Variants in SLC2A9 observed in about 807,000 individuals in gnomAD.
SLC2A9 encodes solute carrier family 2 member 9.
A neutral mutation model predicts 50.6 loss-of-function variants in SLC2A9; 39 were observed. The ratio of observed to expected loss-of-function variants is 0.77; its 90% confidence interval spans 0.60 to 1.01. The LOEUF is 1.01. Ranked by LOEUF, SLC2A9 falls within the 50% of genes least tolerant of loss-of-function variation. The pLI, the probability that SLC2A9 is intolerant of heterozygous loss-of-function variation, is 0.00. For missense variants in SLC2A9, 686 were observed against 677.6 expected, an observed-to-expected ratio of 1.01 and a Z score of -0.14; for synonymous variants, 324 against 276.9, an observed-to-expected ratio of 1.17 and a Z score of -1.69.
At chr4:9,975,008 G>GACT (rs1445926684) in intron 5 of SLC2A9, among the ~76,000 whole-genome samples, 1 of 152,184 alleles carries the variant, frequency 6.6e-6, no homozygotes, top group Non-Finnish European at 1.5e-5. Context: ...ATGGGGAAAG[G>GACT]ACTTCCTATT....
At chr4:9,935,958 C>T (rs1746995241) in intron 6 of SLC2A9, among the ~76,000 whole-genome samples, 1 of 152,142 alleles carries the variant, frequency 6.6e-6, no homozygotes, top group African/African-American at 2.4e-5. Flanking sequence ...TCTGAACACA[C>T]CAGGCACATC....
At chr4:9,912,337 T>C (rs1187097077) in intron 7 of SLC2A9, among the ~76,000 whole-genome samples, 2 of 152,238 alleles carry the variant, frequency 1.3e-5, no homozygotes, top group South Asian at 4.2e-4. Flanking sequence ...GTGGCACATA[T>C]GCCATGCTAG....
chr4:10,018,002 T>G (rs1009205054), intron 2 of SLC2A9, among the ~76,000 whole-genome samples: 3 of 152,194 alleles, frequency 2.0e-5, no homozygotes, highest in African/African-American at 7.2e-5. Flanking sequence ...GCAGGAAAGC[T>G]TCCCTCAAGC....
At chr4:9,858,835 C>T (rs550161184) in intron 10 of SLC2A9, among the ~76,000 whole-genome samples, 1 of 152,254 alleles carries the variant, frequency 6.6e-6, no homozygotes, top group South Asian at 2.1e-4. Flanking sequence ...GCAGACCCAC[C>T]CTCCATCTGG....
rs79197118 is a variant in SLC2A9, at chr4:9,891,396, G to A, written c.1114-685C>T. Among the ~76,000 whole-genome samples the A allele has an allele frequency of 1.2e-3, 182 of 152,274 alleles. 8 individuals carry two copies. The East Asian group carries it at 0.031, about 26-fold the overall frequency. On this transcript the variant is annotated intron_variant, in intron 8 of 11. Coordinates refer to ENST00000264784, the MANE Select transcript of SLC2A9 (RefSeq NM_020041.3). ...GAATGTCAGAGACAGGAAAACCTGG[G>A]TTTATATTCCGGCTTTACTATTTTC...
At chr4:9,916,816 C>A (rs1742927979) in intron 7 of SLC2A9, among the ~76,000 whole-genome samples, 1 of 152,234 alleles carries the variant, frequency 6.6e-6, no homozygotes, top group Non-Finnish European at 1.5e-5. Flanking sequence ...CTGGGCTTGA[C>A]AATTGGTATT....
At chr4:9,949,593 C>G (rs1749826594) in intron 5 of SLC2A9, among the ~76,000 whole-genome samples, 2 of 152,152 alleles carry the variant, frequency 1.3e-5, no homozygotes, top group Admixed American at 6.5e-5. Flanking sequence ...TCTTCTGATC[C>G]CTGTACGGGG....
At chr4:10,029,604 T>A (rs1402025628) in intron 1 of SLC2A9, among the ~76,000 whole-genome samples, 2 of 149,068 alleles carry the variant, frequency 1.3e-5, no homozygotes, top group African/African-American at 4.9e-5. Flanking sequence ...ATTATTTTAT[T>A]TTATTTTATT....
intron 10 of SLC2A9, 50 bp downstream of exon 10, chr4:9,887,517 T>C (rs1292171181): frequency 3.3e-6 from 5 of 1,519,618 alleles, no homozygotes; most frequent in Admixed American, 2.0e-5. Flanking sequence ...CCCAGCTTGG[T>C]GATGCCATGA....
At chr4:9,949,096 C>A (rs955453659) in intron 5 of SLC2A9, among the ~76,000 whole-genome samples, 2 of 152,214 alleles carry the variant, frequency 1.3e-5, no homozygotes, top group African/African-American at 4.8e-5. Context: ...AGCATTCCCT[C>A]CCGTGGATGA....
intron 5 of SLC2A9, among the ~76,000 whole-genome samples, chr4:9,955,210 C>CAAAGTTCAAACCGT (rs1751014326): frequency 8.6e-6 from 1 of 116,758 alleles, no homozygotes; most frequent in Admixed American, 8.6e-5. Flanking sequence ...AACTCCAAGT[C>CAAAGTTCAAACCGT]GGCCGGGCGC....
intron 3 of SLC2A9, among the ~76,000 whole-genome samples, chr4:9,992,040 G>A (rs1757800865): frequency 6.6e-6 from 1 of 152,198 alleles, no homozygotes; most frequent in South Asian, 2.1e-4. Context: ...AGTAGAAAAT[G>A]ATGAAAGCAA....
intron 5 of SLC2A9, among the ~76,000 whole-genome samples, chr4:9,952,495 C>T (rs1560374327): frequency 2.6e-5 from 4 of 151,516 alleles, no homozygotes; most frequent in Admixed American, 2.6e-4. Context: ...GCCAATTAAA[C>T]CTCTTTTCTT....
At chr4:9,848,401 C>G (rs1040327783) in intron 10 of SLC2A9, among the ~76,000 whole-genome samples, 2 of 151,358 alleles carry the variant, frequency 1.3e-5, no homozygotes, top group Non-Finnish European at 2.9e-5. Flanking sequence ...CAGGAATGGG[C>G]ATGAGACATG....
upstream of SLC2A9, among the ~76,000 whole-genome samples, chr4:10,021,842 CTT>C (rs57844352): frequency 7.2e-3 from 984 of 136,846 alleles, 4 homozygotes; most frequent in African/African-American, 0.02. Context: ...GACTCTTCCA[CTT>C]TTTTTTTTTT....
In SLC2A9 at chr4:9,985,759, T is replaced by C. The variant is rs183829613; in HGVS notation, c.445A>G (p.Ile149Val). ...CAGGCCATCAGCAATGCAGCAGAAA[T>C]TGCAAACCCATTATTGGCCAGCAAA... ...HTLLANNGFA[I>V]SAALLMACSL... The change falls in exon 4 of 12, where the codon ATT becomes GTT. Residue 149 changes from isoleucine to valine, a missense_variant. Physicochemically the swap from Ile to Val is conservative, Grantham distance 29. Transcript: ENST00000264784. 24 of 1,613,982 alleles carry C rather than the reference T, an allele frequency of 1.5e-5. No homozygotes were observed. The Admixed American group carries it at 2.5e-4, about 17-fold the overall frequency.
intron 10 of SLC2A9, among the ~76,000 whole-genome samples, chr4:9,852,499 G>A (rs1052251236): frequency 9.9e-5 from 15 of 151,906 alleles, no homozygotes; most frequent in African/African-American, 2.2e-4. Context: ...TGATCCACCC[G>A]CCTCGGCCTC....
chr4:10,034,728 GT>G (rs1218235863), intron 1 of SLC2A9: 1 of 152,232 alleles, frequency 6.6e-6, no homozygotes, highest in Non-Finnish European at 1.5e-5. Flanking sequence ...GAAACAGTAG[GT>G]ACACAGCTCC....
At chr4:9,803,536 C>T (rs567500351) in intron 3 of SLC2A9, among the ~76,000 whole-genome samples, 8 of 152,334 alleles carry the variant, frequency 5.3e-5, no homozygotes, top group Middle Eastern at 3.4e-3. Context: ...AGGATCCCAT[C>T]GCAGCCTGAA....
Sources: allele counts gnomAD v4.1 joint callset (sites outside exome capture counted in the v4.1 genomes callset), GRCh38; gene constraint gnomAD v4.1.1; transcripts MANE v1.5; gene names NCBI Gene and HGNC (gene_info 2026-07-23, HGNC 2026-07-21).